Variants in SNX29 observed in about 807,000 individuals in gnomAD.
SNX29 encodes the protein sorting nexin-29.
Under a neutral mutation model 102.1 loss-of-function variants are expected in SNX29, and 78 were observed. That is an observed-to-expected ratio of 0.76 (90% CI 0.64 to 0.92). The LOEUF is 0.92. Ranked by LOEUF, SNX29 falls within the 40% of genes least tolerant of loss-of-function variation. SNX29 has a pLI of 0.00. For missense variants in SNX29, 1,280 were observed against 1,061.7 expected (o/e 1.21, Z -2.86); for synonymous variants, 580 against 414.5 (o/e 1.40, Z -4.85).
At chr16:12,538,243 G>A (rs932177222) in intron 20 of SNX29, among the ~76,000 whole-genome samples, 2 of 152,056 alleles carry the variant, frequency 1.3e-5, no homozygotes, top group Non-Finnish European at 1.5e-5. Context: ...AGTCTCCCTA[G>A]TAGCTGGGAT....
chr16:12,096,708 C>A lies in SNX29; in HGVS notation c.1402+17793C>A, dbSNP rs556249785. On this transcript the variant is annotated intron_variant, in intron 11 of 20. Transcript: ENST00000566228. The surrounding 1 kb of genome is among the most constrained non-coding windows in gnomAD (Gnocchi z 4.2). ...TCTGTGGCACTGAACAACCGCCACT[C>A]GATCCACCCATGGGAACGAGTTCCC... is the stretch of plus-strand genomic sequence containing the variant. 2.0e-5 allele frequency among the ~76,000 whole-genome samples: 3 copies of A among 152,150 alleles called. No individual in the cohort carries two copies. The highest frequency in any genetic ancestry group is 4.4e-5 in the Non-Finnish European group (3 of 68,026).
chr16:12,069,721 C>T (rs965823143), intron 10 of SNX29, among the ~76,000 whole-genome samples: 1 of 151,268 alleles, frequency 6.6e-6, no homozygotes, highest in African/African-American at 2.4e-5. Context: ...GAGACAGTCT[C>T]GCTGTGTTGC....
chr16:12,074,419 T>G (rs953696477), intron 10 of SNX29, among the ~76,000 whole-genome samples: 1 of 152,070 alleles, frequency 6.6e-6, no homozygotes, highest in Non-Finnish European at 1.5e-5. Flanking sequence ...TATTTCTCCT[T>G]CACTTATGAA....
intron 20 of SNX29, among the ~76,000 whole-genome samples, chr16:12,568,179 A>G (rs548501467): frequency 2.0e-5 from 3 of 152,076 alleles, no homozygotes; most frequent in East Asian, 3.9e-4. Context: ...AAAATCAAGG[A>G]AAATGTGGGG....
At chr16:12,322,324 G>T (rs1362302832) in intron 15 of SNX29, among the ~76,000 whole-genome samples, 1 of 152,106 alleles carries the variant, frequency 6.6e-6, no homozygotes, top group Admixed American at 6.5e-5. Flanking sequence ...TGGAAATCAG[G>T]GGCTATCGCA....
chr16:12,476,402 A>G (rs1413940791), intron 18 of SNX29, among the ~76,000 whole-genome samples: 10 of 24,414 alleles, frequency 4.1e-4, no homozygotes, highest in Non-Finnish European at 5.3e-4. Flanking sequence ...ATATATATAT[A>G]TATATATATA....
At chr16:12,194,460 T>TA (rs2076720404) in intron 13 of SNX29, among the ~76,000 whole-genome samples, 2 of 152,128 alleles carry the variant, frequency 1.3e-5, no homozygotes, top group Non-Finnish European at 2.9e-5. Context: ...CTAACCTGTA[T>TA]GTTTTTTTGG....
At chr16:12,552,106 T>G (rs2078015513) in intron 20 of SNX29, among the ~76,000 whole-genome samples, 1 of 152,184 alleles carries the variant, frequency 6.6e-6, no homozygotes, top group Non-Finnish European at 1.5e-5. Flanking sequence ...TCAGTGAGTG[T>G]AACCATGGCT....
At chr16:12,143,475 G>A (rs1567245459) in intron 13 of SNX29, among the ~76,000 whole-genome samples, 3 of 152,150 alleles carry the variant, frequency 2.0e-5, no homozygotes. Flanking sequence ...GGCGGTGCTC[G>A]TCCTTAGTGT....
intron 16 of SNX29, among the ~76,000 whole-genome samples, chr16:12,371,932 T>C: frequency 6.6e-6 from 1 of 152,218 alleles, no homozygotes; most frequent in South Asian, 2.1e-4. Flanking sequence ...CTCTGCATTT[T>C]CACCATTTGT....
intron 19 of SNX29, among the ~76,000 whole-genome samples, chr16:12,481,350 TAAG>T (rs1326118065): frequency 6.6e-6 from 1 of 151,902 alleles, no homozygotes; most frequent in Non-Finnish European, 1.5e-5. Context: ...TAACTTTTAA[TAAG>T]CTGGTTGAAC....
chr16:12,144,776 C>T (rs1003466800), intron 13 of SNX29, among the ~76,000 whole-genome samples: 1 of 152,236 alleles, frequency 6.6e-6, no homozygotes, highest in African/African-American at 2.4e-5. Context: ...GGCTGGACTG[C>T]AATGGCGCGA....
intron 3 of SNX29, among the ~76,000 whole-genome samples, chr16:12,014,065 G>A (rs1398053258): frequency 6.6e-6 from 1 of 151,984 alleles, no homozygotes; most frequent in Non-Finnish European, 1.5e-5. Context: ...CCAAATAGCT[G>A]AGACTCCAGG....
intron 13 of SNX29, among the ~76,000 whole-genome samples, chr16:12,139,384 C>A (rs1054839847): frequency 6.6e-6 from 1 of 152,054 alleles, no homozygotes; most frequent in African/African-American, 2.4e-5. Flanking sequence ...TTAGACTGTG[C>A]GATCCATGAG....
At chr16:12,540,351 C>G (rs142126324) in intron 20 of SNX29, among the ~76,000 whole-genome samples, 10 of 152,274 alleles carry the variant, frequency 6.6e-5, no homozygotes, top group African/African-American at 2.2e-4. Flanking sequence ...GGAACGTTAT[C>G]CCCTGTATTA....
At chr16:12,516,520 T>C (rs1260642120) in intron 19 of SNX29, among the ~76,000 whole-genome samples, 2 of 146,904 alleles carry the variant, frequency 1.4e-5, no homozygotes, top group South Asian at 2.2e-4. Flanking sequence ...TGGAATCTCA[T>C]AGCCAGGAGG....
chr16:12,566,031 G>T (rs944628891), intron 20 of SNX29, among the ~76,000 whole-genome samples: 1 of 152,174 alleles, frequency 6.6e-6, no homozygotes, highest in Admixed American at 6.5e-5. Context: ...GGTGACACAG[G>T]TCATGTGTTT....
chr16:12,129,681 G>A lies in SNX29; in HGVS notation c.1518G>A (p.Arg506=), dbSNP rs775913843. ...AGATGGAGCACTCAGCCGCGCTCCGGCAAGAGGTGGACACCTTGAAAAGGA... is the reference window on the plus strand; with the variant it reads ...AGATGGAGCACTCAGCCGCGCTCCGACAAGAGGTGGACACCTTGAAAAGGA... ...DGEMEHSAAL[R]QEVDTLKRKV... is the part of the protein sequence containing the mutation. The change falls in exon 13 of 21, where the codon CGG becomes CGA. Residue 506 remains arginine (R), a synonymous_variant. Transcript: ENST00000566228. 1.2e-6 allele frequency: 2 copies of A among 1,611,102 alleles called. No individual in the cohort carries two copies. Among genetic ancestry groups the A allele is most frequent in the East Asian group, 4.5e-5 (2 of 44,852 alleles).
chr16:12,083,676 G>A (rs1205233726), intron 11 of SNX29, among the ~76,000 whole-genome samples: 1 of 152,202 alleles, frequency 6.6e-6, no homozygotes, highest in African/African-American at 2.4e-5. Flanking sequence ...TGTCGCAAAT[G>A]CCGTCCCAGT....
Sources: allele counts gnomAD v4.1 joint callset (sites outside exome capture counted in the v4.1 genomes callset), GRCh38; gene constraint gnomAD v4.1.1; non-coding constraint Gnocchi (gnomAD v3.1); transcripts MANE v1.5; gene names NCBI Gene and HGNC (gene_info 2026-07-23, HGNC 2026-07-21).